Variants in APPBP2 observed in about 807,000 individuals in gnomAD.
APPBP2 encodes the protein amyloid beta precursor protein binding protein 2, also known as amyloid protein-binding protein 2.
Under a neutral mutation model 76.0 loss-of-function variants are expected in APPBP2, and 15 were observed. That is an observed-to-expected ratio of 0.20 (90% CI 0.13 to 0.30). The LOEUF (loss-of-function observed/expected upper bound fraction) is 0.30. Ranked by LOEUF, APPBP2 falls within the 10% of genes least tolerant of loss-of-function variation. APPBP2 has a pLI of 1.00. For missense variants in APPBP2, 401 were observed against 687.2 expected (o/e 0.58, Z 4.66); for synonymous variants, 222 against 242.2 (o/e 0.92, Z 0.77).
chr17:60,482,825 T>G (rs940144967), intron 3 of APPBP2, among the ~76,000 whole-genome samples: 3 of 152,246 alleles, frequency 2.0e-5, no homozygotes, highest in African/African-American at 7.2e-5. Flanking sequence ...CTTAATCCAG[T>G]CTATCATTGA....
intron 3 of APPBP2, 147 bp downstream of exon 3, chr17:60,494,319 T>C (rs1425283562): frequency 4.1e-6 from 3 of 728,800 alleles, no homozygotes; most frequent in Middle Eastern, 2.9e-4. Context: ...TATAGTATAA[T>C]GCTTTGGCAT....
intron 4 of APPBP2, among the ~76,000 whole-genome samples, chr17:60,471,875 T>C (rs577237227): frequency 1.4e-4 from 22 of 152,084 alleles, no homozygotes; most frequent in Non-Finnish European, 2.8e-4. Context: ...CCTGTAATCC[T>C]AGAACTTTGG....
chr17:60,485,696 T>C (rs1474199537), intron 3 of APPBP2, among the ~76,000 whole-genome samples: 2 of 152,230 alleles, frequency 1.3e-5, no homozygotes, highest in African/African-American at 2.4e-5. Flanking sequence ...TGTCTCTATC[T>C]CCTTCAGTTC....
chr17:60,523,796 C>T (rs1210151283), intron 1 of APPBP2, among the ~76,000 whole-genome samples: 1 of 152,136 alleles, frequency 6.6e-6, no homozygotes, highest in Admixed American at 6.6e-5. Context: ...TAATATCTTT[C>T]ATTAAAATAA....
rs2090390757 is a variant in APPBP2 at position 60,451,003 on chromosome 17, G to A, written c.1504+877C>T. Among the ~76,000 whole-genome samples the A allele has an allele frequency of 2.0e-5, 3 of 152,256 alleles. No homozygotes were observed. In the East Asian group the frequency reaches 5.8e-4, roughly 29 times the overall value. On this transcript the variant is annotated intron_variant, in intron 12 of 12. Coordinates refer to ENST00000083182, the MANE Select transcript of APPBP2 (RefSeq NM_006380.5). ...TTAACAGGCACTTCATAAGATGATGGCCATAGATTCCTTATTTTGATTTTG... is the reference window on the plus strand; with the variant it reads ...TTAACAGGCACTTCATAAGATGATGACCATAGATTCCTTATTTTGATTTTG...
intron 4 of APPBP2, among the ~76,000 whole-genome samples, chr17:60,476,089 T>C (rs1334059610): frequency 3.9e-5 from 6 of 152,172 alleles, no homozygotes; most frequent in Admixed American, 2.6e-4. Flanking sequence ...CTGGATGTGT[T>C]TGGCCAGACA....
At chr17:60,486,637 G>A (rs553242582) in intron 3 of APPBP2, among the ~76,000 whole-genome samples, 9 of 152,080 alleles carry the variant, frequency 5.9e-5, no homozygotes, top group East Asian at 1.9e-4. Flanking sequence ...TGGGTTTTGC[G>A]TCTTTATCCA....
intron 4 of APPBP2, among the ~76,000 whole-genome samples, chr17:60,470,183 G>A (rs564407196): frequency 6.6e-6 from 1 of 152,008 alleles, no homozygotes; most frequent in South Asian, 2.1e-4. Flanking sequence ...ATCTTTTCAT[G>A]TGCTTATCTT....
At chr17:60,474,669 C>CAG (rs1482537551) in intron 4 of APPBP2, among the ~76,000 whole-genome samples, 1 of 152,186 alleles carries the variant, frequency 6.6e-6, no homozygotes, top group East Asian at 1.9e-4. Context: ...ATTAGGAACA[C>CAG]TAAACCTGTA....
intron 1 of APPBP2, among the ~76,000 whole-genome samples, chr17:60,505,386 G>A (rs1287445747): frequency 6.6e-6 from 1 of 152,214 alleles, no homozygotes; most frequent in East Asian, 1.9e-4. Flanking sequence ...CACGATCTTG[G>A]CTCACTGCAA....
intron 2 of APPBP2, among the ~76,000 whole-genome samples, chr17:60,497,285 G>A (rs1459529946): frequency 6.6e-6 from 1 of 152,156 alleles, no homozygotes; most frequent in Non-Finnish European, 1.5e-5. Flanking sequence ...ATTTGTGGGA[G>A]CTAAAAATTA....
chr17:60,505,676 GTTTTTTTTTTTTTT>G (rs1170935393), intron 1 of APPBP2, among the ~76,000 whole-genome samples: 5 of 85,716 alleles, frequency 5.8e-5, no homozygotes, highest in African/African-American at 2.3e-4. Context: ...GACCCCTGCG[GTTTTTTTTTTTTTT>G]TTTTTTTTTT....
chr17:60,492,824 G>A (rs971422547), intron 3 of APPBP2, among the ~76,000 whole-genome samples: 1 of 152,222 alleles, frequency 6.6e-6, no homozygotes, highest in African/African-American at 2.4e-5. Context: ...GCTGAAATGA[G>A]TTAAGACTTT....
chr17:60,519,045 C>T (rs1313144872), intron 1 of APPBP2, among the ~76,000 whole-genome samples: 3 of 152,078 alleles, frequency 2.0e-5, no homozygotes, highest in African/African-American at 4.8e-5. Flanking sequence ...TGAGCGGCCT[C>T]GACTTGCCAA....
chr17:60,520,525 A>T (rs2091000604), intron 1 of APPBP2, among the ~76,000 whole-genome samples: 1 of 151,168 alleles, frequency 6.6e-6, no homozygotes, highest in African/African-American at 2.4e-5. Flanking sequence ...GTGAGCCGAC[A>T]TTGTGCCTAT....
intron 3 of APPBP2, 93 bp downstream of exon 3, chr17:60,494,373 A>T: frequency 7.1e-7 from 1 of 1,413,010 alleles, no homozygotes; most frequent in East Asian, 2.3e-5. Context: ...CTTCTTACGT[A>T]GACTTTGGGA....
intron 1 of APPBP2, among the ~76,000 whole-genome samples, chr17:60,509,267 C>A (rs989669093): frequency 6.6e-6 from 1 of 151,932 alleles, no homozygotes; most frequent in Non-Finnish European, 1.5e-5. Context: ...GTAGTCCCAG[C>A]TACCAGGAGG....
At chr17:60,506,695 A>G (rs1377457443) in intron 1 of APPBP2, among the ~76,000 whole-genome samples, 1 of 152,186 alleles carries the variant, frequency 6.6e-6, no homozygotes, top group African/African-American at 2.4e-5. Context: ...CCCAATACCT[A>G]GCACAGTGCC....
At chr17:60,482,540 T>G (rs950245478) in intron 3 of APPBP2, among the ~76,000 whole-genome samples, 8 of 152,192 alleles carry the variant, frequency 5.3e-5, no homozygotes, top group African/African-American at 1.9e-4. Flanking sequence ...ACCCATCAAC[T>G]CGTCATTTAC....
Sources: allele counts gnomAD v4.1 joint callset (sites outside exome capture counted in the v4.1 genomes callset), GRCh38; gene constraint gnomAD v4.1.1; transcripts MANE v1.5; gene names NCBI Gene and HGNC (gene_info 2026-07-23, HGNC 2026-07-21).